Variants in CHGB observed in about 807,000 individuals in gnomAD.
CHGB encodes chromogranin B, also known as secretogranin-1.
CHGB carries 46 observed loss-of-function variants against 69.9 expected under a neutral mutation model. The ratio of observed to expected loss-of-function variants is 0.66; its 90% CI spans 0.52 to 0.84. The LOEUF is 0.84. Among genes scored for constraint, CHGB ranks in the 40% least tolerant of loss-of-function variants. The pLI, the probability that CHGB is intolerant of heterozygous loss-of-function variation, is 0.00. For synonymous variants in CHGB, 312 were observed against 298.2 expected (o/e 1.05, Z -0.48); for missense variants, 796 against 822.2 (o/e 0.97, Z 0.39).
At chr20:5,917,821 T>C (rs1030736371) in intron 3 of CHGB, 1 of 151,956 alleles carries the variant, frequency 6.6e-6, no homozygotes, top group African/African-American at 2.4e-5. Context: ...ACAGTAGATT[T>C]TATCTTATTT....
At chr20:5,913,272 G>A (rs2088456394) in intron 1 of CHGB, among the ~76,000 whole-genome samples, 1 of 151,898 alleles carries the variant, frequency 6.6e-6, no homozygotes. Flanking sequence ...TGGTATATTC[G>A]CAGATTGTGC....
intron 1 of CHGB, among the ~76,000 whole-genome samples, chr20:5,913,285 C>T (rs1390073856): frequency 6.6e-6 from 1 of 152,130 alleles, no homozygotes; most frequent in East Asian, 1.9e-4. Flanking sequence ...GATTGTGCAA[C>T]TATTACCACT....
At chr20:5,918,943 C>A (rs1376748980) in intron 3 of CHGB, among the ~76,000 whole-genome samples, 2 of 150,370 alleles carry the variant, frequency 1.3e-5, no homozygotes, top group African/African-American at 4.9e-5. Context: ...TGGATGGAAG[C>A]TTTCCTACCA....
chr20:5,916,840 C>T lies in CHGB; in HGVS notation c.111C>T (p.Ile37=), dbSNP rs780775063. 5.4e-5 allele frequency: 87 copies of T among 1,614,100 alleles called. No individual in the cohort carries two copies. The highest frequency in any genetic ancestry group is 6.6e-5 in the Non-Finnish European group (78 of 1,180,050). The change falls in exon 3 of 5, where the codon ATC becomes ATT. Residue 37 remains isoleucine, a synonymous_variant. Coordinates refer to ENST00000378961, the MANE Select transcript of CHGB (RefSeq NM_001819.3). Reference sequence around the variant, plus strand: ...TTTCCCCCCAGGTGACTCGCTGCATCATTGAGGTCCTCTCAAATGCCTTGT... The same window carrying T: ...TTTCCCCCCAGGTGACTCGCTGCATTATTGAGGTCCTCTCAAATGCCTTGT... ...NHNEGMVTRC[I]IEVLSNALSK...
At chr20:5,920,931 C>T (rs73596140) in intron 3 of CHGB, among the ~76,000 whole-genome samples, 10,193 of 152,246 alleles carry the variant, frequency 0.067, 555 homozygotes, top group South Asian at 0.17. Context: ...ATTTCTTGGA[C>T]ATTTTTACAA....
intron 3 of CHGB, chr20:5,917,224 T>C: frequency 3.3e-6 from 1 of 304,078 alleles, no homozygotes; most frequent in East Asian, 6.9e-5. Flanking sequence ...CTTAGTTCCA[T>C]ACTTTGGATT....
chr20:5,920,599 G>T (rs550126279), intron 3 of CHGB, among the ~76,000 whole-genome samples: 1 of 152,224 alleles, frequency 6.6e-6, no homozygotes, highest in East Asian at 1.9e-4. Context: ...GCTCTACCTT[G>T]ATGACCTAAT....
chr20:5,918,756 A>G lies in CHGB; in HGVS notation c.190+1837A>G, dbSNP rs553533435. 1.8e-4 allele frequency among the ~76,000 whole-genome samples: 24 copies of G among 136,692 alleles called. No homozygotes were observed. In the South Asian group the frequency reaches 2.3e-3, roughly 13 times the overall value. The allele number at this position is 136,692 out of a possible 152,430, so 89.7% of individuals were successfully genotyped here. A position where few individuals can be genotyped will look rare whatever the true frequency, so the allele number is the denominator to read the frequency against. Reference sequence around the variant, plus strand: ...GAGCCCAGGAGGTGGAGGTTGCAGTAAGCCGAGATTGCCCCACGGCATTCC... The same window carrying G: ...GAGCCCAGGAGGTGGAGGTTGCAGTGAGCCGAGATTGCCCCACGGCATTCC... On this transcript the variant is annotated intron_variant, in intron 3 of 4. Transcript: ENST00000378961.
chr20:5,912,799 C>G (rs1206776150), intron 1 of CHGB, among the ~76,000 whole-genome samples: 1 of 151,992 alleles, frequency 6.6e-6, no homozygotes. Context: ...AGACTCCTAC[C>G]TAGAATTGAG....
At position 5,911,577 on chromosome 20, in the gene CHGB, C is replaced by G. The variant is rs1411587129; in HGVS notation, c.-57C>G. 2.0e-6 allele frequency: 3 copies of G among 1,504,814 alleles called. No individual in the cohort carries two copies. Among genetic ancestry groups the G allele is most frequent in the Non-Finnish European group, 1.8e-6 (2 of 1,128,230 alleles). The allele number at this position is 1,504,814 out of a possible 1,614,324, so 93.2% of individuals were successfully genotyped here. A position where few individuals can be genotyped will look rare whatever the true frequency, so the allele number is the denominator to read the frequency against. On this transcript the variant is annotated 5_prime_UTR_variant, in exon 1 of 5. Transcript: ENST00000378961. ...TCCATCGCGCCTTCCTCCTGCGCCT[C>G]GCTTCTCCGGTCCAGCCGCCATCTT...
In CHGB at chr20:5,916,923, A is replaced by C. The variant is rs1461036188; in HGVS notation, c.190+4A>C. The C allele has an allele frequency of 6.2e-7, 1 of 1,613,848 alleles. No homozygotes were observed. Among genetic ancestry groups the C allele is most frequent in the Non-Finnish European group, 8.5e-7 (1 of 1,179,834 alleles). ...TGCCGCCAAGTCCTGAAGACGAGTA[A>C]GTGTCCCACACGGCAGGCAGATCTT... On this transcript the variant is annotated splice_donor_region_variant and intron_variant, in intron 3 of 4. Coordinates refer to ENST00000378961, the MANE Select transcript of CHGB (RefSeq NM_001819.3).
chr20:5,923,230 T>C lies in CHGB; in HGVS notation c.1086T>C (p.Tyr362=), dbSNP rs763201569. ...QAPEDLEWER[Y]RGRGSEEYRA... is the part of the protein sequence containing the mutation. ...CTGAGGACCTGGAGTGGGAGCGCTA[T>C]AGGGGCAGAGGAAGTGAAGAATACA... Residue 362 remains tyrosine, a synonymous_variant, in exon 4 of 5, where the codon TAT becomes TAC. Coordinates refer to ENST00000378961, the MANE Select transcript of CHGB (RefSeq NM_001819.3). The C allele has an allele frequency of 1.4e-5, 22 of 1,613,460 alleles. No homozygotes were observed. Among genetic ancestry groups the C allele is most frequent in the Middle Eastern group, 3.3e-4 (2 of 6,060 alleles).
chr20:5,914,887 G>C (rs554011833), intron 1 of CHGB, among the ~76,000 whole-genome samples: 74 of 152,296 alleles, frequency 4.9e-4, no homozygotes, highest in African/African-American at 1.6e-3. Flanking sequence ...TAAATGAATA[G>C]GTGTTTTATT....
chr20:5,925,184 T>C lies in CHGB; in HGVS notation c.*135T>C. 1 of 557,850 alleles carries C rather than the reference T, an allele frequency of 1.8e-6. No homozygotes were observed. The highest frequency in any genetic ancestry group is 2.4e-5 in the South Asian group (1 of 41,302). 34.6% of individuals were successfully genotyped at this position (557,850 alleles called of 1,614,324 possible). On this transcript the variant is annotated 3_prime_UTR_variant, in exon 5 of 5. Transcript: ENST00000378961. ...ACTATTCATTAAATGTTTGACACAA[T>C]TGGAATTGTCTTTAATTTCTGTCAG...
chr20:5,919,625 A>G (rs950424669), intron 3 of CHGB, among the ~76,000 whole-genome samples: 7 of 152,236 alleles, frequency 4.6e-5, no homozygotes, highest in Non-Finnish European at 8.8e-5. Context: ...TGGTATTTTC[A>G]TATCGCCTCT....
intron 4 of CHGB, among the ~76,000 whole-genome samples, chr20:5,924,353 C>T (rs1218979505): frequency 6.6e-6 from 1 of 152,150 alleles, no homozygotes; most frequent in Non-Finnish European, 1.5e-5. Flanking sequence ...ACCTGGAGAG[C>T]GTGAAAAATT....
rs747848065 is a variant in CHGB at position 5,923,797 on chromosome 20, G to A, written c.1653G>A (p.Glu551=). Residue 551 remains glutamate (E), a synonymous_variant, in exon 4 of 5, where the codon GAG becomes GAA. Transcript: ENST00000378961. ...ATGACAATTTTCTCGAGGGTGAGGAGGAAAATGAGCTGACCTTGAACGAGA... is the reference window on the plus strand; with the variant it reads ...ATGACAATTTTCTCGAGGGTGAGGAAGAAAATGAGCTGACCTTGAACGAGA... The part of the protein sequence containing the change: ...NMNDNFLEGE[E]ENELTLNEKN... 24 of 1,614,168 alleles carry A rather than the reference G, an allele frequency of 1.5e-5. No homozygotes were observed. Among genetic ancestry groups the A allele is most frequent in the Non-Finnish European group, 1.9e-5 (23 of 1,180,026 alleles).
Sources: gnomAD v4.1 joint callset for allele counts (sites outside exome capture counted in the v4.1 genomes callset) on GRCh38, gnomAD v4.1.1 for gene constraint, MANE v1.5 for transcripts, NCBI Gene and HGNC (gene_info 2026-07-23, HGNC 2026-07-21) for gene names.